The following FER1L6 variants were observed in gnomAD, a reference collection of about 807,000 sequenced individuals.
FER1L6 encodes the protein fer-1-like protein 6.
FER1L6 carries 177 observed loss-of-function variants against 219.2 expected under a neutral mutation model. The observed-to-expected ratio is 0.81, with a 90% CI of 0.71 to 0.91. The LOEUF (loss-of-function observed/expected upper bound fraction) is 0.91. FER1L6 is among the 40% of genes least tolerant of loss of function. The pLI is 0.00. For missense variants in FER1L6, 2,153 were observed against 2,259.9 expected (o/e 0.95, Z 0.96); for synonymous variants, 768 against 824.3 (o/e 0.93, Z 1.17).
rs181025238 is a variant in FER1L6 at position 123,914,763 on chromosome 8, G to A, written c.-7-41229G>A. 2.0e-5 allele frequency among the ~76,000 whole-genome samples: 3 copies of A among 152,274 alleles called. No homozygotes were observed. In the East Asian group the frequency reaches 5.8e-4, roughly 29 times the overall value. On this transcript the variant is annotated intron_variant, in intron 1 of 40. Coordinates refer to ENST00000522917, the MANE Select transcript of FER1L6 (RefSeq NM_001039112.2). ...AGTCAAAGGACTGGGAGAGGCAAGGGTCTCCCCTCAAAAATTTCATGGGTT... is the reference window on the plus strand; with the variant it reads ...AGTCAAAGGACTGGGAGAGGCAAGGATCTCCCCTCAAAAATTTCATGGGTT...
At chr8:124,034,860 G>A (rs1819130220) in intron 18 of FER1L6, among the ~76,000 whole-genome samples, 1 of 152,194 alleles carries the variant, frequency 6.6e-6, no homozygotes, top group Non-Finnish European at 1.5e-5. Flanking sequence ...AGAGTCTAGA[G>A]TCTAAATTTG....
intron 1 of FER1L6, among the ~76,000 whole-genome samples, chr8:123,912,189 C>T (rs1423103644): frequency 6.6e-6 from 1 of 152,030 alleles, no homozygotes; most frequent in Non-Finnish European, 1.5e-5. Flanking sequence ...CTTTAATTCT[C>T]ACAATTAAAC....
rs764816611 is a variant in FER1L6, at chr8:123,853,269, C to T, written c.-8+1084C>T. 2.6e-5 allele frequency among the ~76,000 whole-genome samples: 4 copies of T among 152,176 alleles called. No individual in the cohort carries two copies. The highest frequency in any genetic ancestry group is 4.4e-5 in the Non-Finnish European group (3 of 68,040). ...TCCCAGGTTCAAGTGAGTCTCGTGC[C>T]TCAGGCTCCAGAATAGCTGGGATTA... On this transcript the variant is annotated intron_variant, in intron 1 of 40. Transcript: ENST00000522917. This position sits in a 1 kb window ranked among gnomAD's most constrained non-coding sequence, Gnocchi z 6.6.
At chr8:123,942,885 A>G (rs565795932) in intron 1 of FER1L6, among the ~76,000 whole-genome samples, 1 of 152,316 alleles carries the variant, frequency 6.6e-6, no homozygotes, top group East Asian at 1.9e-4. Context: ...CATCCAAATG[A>G]CTTATTTTAT....
chr8:124,034,711 T>C lies in FER1L6; in HGVS notation c.2287-566T>C, dbSNP rs142342600. 5.5e-4 allele frequency among the ~76,000 whole-genome samples: 83 copies of C among 152,264 alleles called. No individual in the cohort carries two copies. In the East Asian group the frequency reaches 7.1e-3, roughly 13 times the overall value. On this transcript the variant is annotated intron_variant, in intron 18 of 40. Transcript: ENST00000522917. ...AGGCCAGGTAGATTCTTCTAAGTCA[T>C]AGAGTCCTGACTTATGGAAGAAGTA...
chr8:123,859,270 G>A (rs1169063775), intron 1 of FER1L6, among the ~76,000 whole-genome samples: 1 of 152,118 alleles, frequency 6.6e-6, no homozygotes, highest in Admixed American at 6.5e-5. Context: ...CAAAGTGCTG[G>A]GATTACAGGC....
intron 1 of FER1L6, among the ~76,000 whole-genome samples, chr8:123,861,589 C>T (rs1410635442): frequency 3.1e-5 from 3 of 96,222 alleles, no homozygotes; most frequent in Non-Finnish European, 4.0e-5. Flanking sequence ...GCCATTTTCA[C>T]GATATTGATT....
chr8:123,922,981 C>G (rs1000696389), intron 1 of FER1L6, among the ~76,000 whole-genome samples: 7 of 150,208 alleles, frequency 4.7e-5, no homozygotes, highest in African/African-American at 1.2e-4. Flanking sequence ...AGCCCCCCCC[C>G]AGACCCCCAT....
intron 1 of FER1L6, among the ~76,000 whole-genome samples, chr8:123,904,405 C>T (rs1812916447): frequency 6.6e-6 from 1 of 151,984 alleles, no homozygotes; most frequent in Non-Finnish European, 1.5e-5. Context: ...CGCCAGCCCC[C>T]ACTCCTAAAT....
intron 18 of FER1L6, among the ~76,000 whole-genome samples, chr8:124,030,083 G>A (rs1818890710): frequency 6.6e-6 from 1 of 152,088 alleles, no homozygotes; most frequent in Admixed American, 6.6e-5. Context: ...GTAGATGTGT[G>A]GTGTTATTTC....
At chr8:123,955,869 A>T in intron 1 of FER1L6, 123 bp from the exon 2 acceptor site, 1 of 840,092 alleles carries the variant, frequency 1.2e-6, no homozygotes, top group East Asian at 2.7e-5. Context: ...TTTTGCCCTC[A>T]TCCTGGGTGG....
At chr8:123,998,217 G>A (rs1817224405) in intron 12 of FER1L6, among the ~76,000 whole-genome samples, 1 of 152,134 alleles carries the variant, frequency 6.6e-6, no homozygotes, top group African/African-American at 2.4e-5. Flanking sequence ...TACTGAAGTT[G>A]CATCTGAATT....
intron 12 of FER1L6, 84 bp from the exon 13 acceptor site, chr8:124,003,083 A>G: frequency 8.8e-7 from 1 of 1,139,374 alleles, no homozygotes; most frequent in Non-Finnish European, 1.3e-6. Context: ...CTGTGGGAGA[A>G]CATGAGTTTG....
At chr8:124,021,789 C>G in intron 17 of FER1L6, 120 bp downstream of exon 17, 1 of 1,109,922 alleles carries the variant, frequency 9.0e-7, no homozygotes, top group Admixed American at 2.1e-5. Flanking sequence ...CCCTAGTGGG[C>G]TACGCAGGCA....
chr8:124,030,823 C>G (rs929986067), intron 18 of FER1L6, among the ~76,000 whole-genome samples: 27 of 152,162 alleles, frequency 1.8e-4, no homozygotes, highest in African/African-American at 6.0e-4. Flanking sequence ...CCAACTCCAA[C>G]ACAGTTCATG....
chr8:124,099,962 C>G (rs1822482539), intron 37 of FER1L6, among the ~76,000 whole-genome samples: 1 of 152,158 alleles, frequency 6.6e-6, no homozygotes, highest in Admixed American at 6.5e-5. Context: ...ATGACTATGA[C>G]TCCATGAAGC....
At chr8:123,865,656 G>A (rs1176131798) in intron 1 of FER1L6, among the ~76,000 whole-genome samples, 7 of 151,212 alleles carry the variant, frequency 4.6e-5, no homozygotes, top group Non-Finnish European at 8.8e-5. Context: ...AGGACCCTCC[G>A]AGCCAGGTGT....
chr8:123,956,097 G>A (rs1010807326), intron 2 of FER1L6, 23 bp downstream of exon 2: 2 of 1,596,490 alleles, frequency 1.3e-6, no homozygotes, highest in Non-Finnish European at 8.6e-7. Context: ...GTGGGGTGCT[G>A]ACCATTGGGG....
chr8:123,968,957 T>C (rs1461102343), intron 5 of FER1L6, among the ~76,000 whole-genome samples: 4 of 152,150 alleles, frequency 2.6e-5, no homozygotes. Context: ...AGGCCTGCCT[T>C]CCTGGTCCCC....
Sources: gnomAD v4.1 joint callset for allele counts (sites outside exome capture counted in the v4.1 genomes callset) on GRCh38, gnomAD v4.1.1 for gene constraint, Gnocchi (gnomAD v3.1) non-coding constraint, MANE v1.5 for transcripts, NCBI Gene and HGNC (gene_info 2026-07-23, HGNC 2026-07-21) for gene names.